Variants in CDH12 observed in about 807,000 individuals in gnomAD.
CDH12 encodes cadherin-12.
In CDH12, 41 loss-of-function variants were observed where a neutral mutation model predicts 74.1. The ratio of observed to expected loss-of-function variants is 0.55; its 90% CI spans 0.43 to 0.72. CDH12 has a LOEUF of 0.72. Ranked by LOEUF, CDH12 falls within the 30% of genes least tolerant of loss-of-function variation. CDH12 has a pLI of 0.00. For synonymous variants in CDH12, 399 were observed against 355.0 expected, an observed-to-expected ratio of 1.12 and a Z score of -1.39; for missense variants, 945 against 977.2, an observed-to-expected ratio of 0.97 and a Z score of 0.44.
intron 1 of CDH12, among the ~76,000 whole-genome samples, chr5:22,817,842 A>G (rs1166259872): frequency 1.3e-5 from 2 of 152,178 alleles, no homozygotes; most frequent in Non-Finnish European, 2.9e-5. Flanking sequence ...TTTCTTTCAA[A>G]GAAGAATTGT....
chr5:22,768,612 G>A (rs1746642898), intron 1 of CDH12, among the ~76,000 whole-genome samples: 1 of 151,900 alleles, frequency 6.6e-6, no homozygotes, highest in Admixed American at 6.6e-5. Flanking sequence ...ACAAAGAGAA[G>A]ATATATATTC....
chr5:22,322,329 A>T lies in CDH12; in HGVS notation c.-333+82928T>A, dbSNP rs1337243965. The stretch of plus-strand genomic sequence containing the variant: ...CAGCAGAAAAGTCATCCCTTTAAGA[A>T]AATCTGAAGGTTTCATAAATATATT... On this transcript the variant is annotated intron_variant, in intron 3 of 14. Coordinates refer to ENST00000382254, the MANE Select transcript of CDH12 (RefSeq NM_004061.5). 2.0e-5 allele frequency among the ~76,000 whole-genome samples: 3 copies of T among 151,450 alleles called. No homozygotes were observed. In the Admixed American group the frequency reaches 2.0e-4, roughly 10 times the overall value.
intron 1 of CDH12, among the ~76,000 whole-genome samples, chr5:22,576,734 A>G (rs756539254): frequency 2.6e-5 from 4 of 152,080 alleles, no homozygotes; most frequent in Non-Finnish European, 5.9e-5. Context: ...GTCTTAGGGA[A>G]ACAGAAAGTA....
At chr5:21,958,295 T>G (rs1210872155) in intron 6 of CDH12, among the ~76,000 whole-genome samples, 9 of 152,162 alleles carry the variant, frequency 5.9e-5, no homozygotes, top group Admixed American at 5.9e-4. Context: ...GAAAATGGAC[T>G]AATGAAGTTC....
intron 6 of CDH12, among the ~76,000 whole-genome samples, chr5:21,971,401 T>C (rs1389193158): frequency 6.6e-6 from 1 of 151,974 alleles, no homozygotes; most frequent in Non-Finnish European, 1.5e-5. Flanking sequence ...AATTGTTAAG[T>C]AAAATAAGAA....
chr5:22,384,419 G>C (rs1481435264), intron 3 of CDH12, among the ~76,000 whole-genome samples: 1 of 149,544 alleles, frequency 6.7e-6, no homozygotes, highest in Non-Finnish European at 1.5e-5. Context: ...CCAGCTACTC[G>C]GGAGGCTGAG....
At chr5:21,960,893 A>G (rs190035847) in intron 6 of CDH12, among the ~76,000 whole-genome samples, 1 of 152,248 alleles carries the variant, frequency 6.6e-6, no homozygotes, top group East Asian at 1.9e-4. Flanking sequence ...CGCAAAAACC[A>G]TTGTTTCACC....
chr5:22,031,551 C>T (rs149944915), intron 5 of CDH12, among the ~76,000 whole-genome samples: 8 of 152,242 alleles, frequency 5.3e-5, no homozygotes, highest in African/African-American at 1.7e-4. Context: ...TACCTTTCAG[C>T]CTATCTCGCC....
chr5:22,238,007 C>T (rs766769858), intron 3 of CDH12, among the ~76,000 whole-genome samples: 1 of 152,128 alleles, frequency 6.6e-6, no homozygotes, highest in African/African-American at 2.4e-5. Context: ...CTCACTGGCA[C>T]GTTTTGTATA....
At chr5:22,402,006 C>G (rs142793160) in intron 3 of CDH12, among the ~76,000 whole-genome samples, 1,848 of 152,290 alleles carry the variant, frequency 0.012, 14 homozygotes, top group Middle Eastern at 0.078. Context: ...TTCATTTTGG[C>G]CTTCTGGCCT....
intron 6 of CDH12, among the ~76,000 whole-genome samples, chr5:21,968,309 T>C (rs766790966): frequency 1.3e-5 from 2 of 152,184 alleles, no homozygotes; most frequent in Admixed American, 1.3e-4. Context: ...AACCCTCTCA[T>C]AAAGTGTTAC....
At position 22,028,817 on chromosome 5, in the gene CDH12, C is replaced by T. The variant is rs147051673; in HGVS notation, c.231+49629G>A. On this transcript the variant is annotated intron_variant, in intron 5 of 14. Transcript: ENST00000382254. Reference sequence around the variant, plus strand: ...CCGCATCATCAAGACAAACCTAAGCCAAAAGAACAAAGCTGGAGGCATCAC... The same window carrying T: ...CCGCATCATCAAGACAAACCTAAGCTAAAAGAACAAAGCTGGAGGCATCAC... 5.9e-3 allele frequency among the ~76,000 whole-genome samples: 896 copies of T among 152,194 alleles called. 2 individuals carry two copies. The highest frequency in any genetic ancestry group is 0.014 in the Middle Eastern group (4 of 294).
chr5:22,360,029 G>T (rs562335294), intron 3 of CDH12, among the ~76,000 whole-genome samples: 3,342 of 152,170 alleles, frequency 0.022, 64 homozygotes, highest in African/African-American at 0.051. Context: ...AACTAGAGAA[G>T]CAAGAGCAAA....
chr5:22,440,329 T>C (rs558163142), intron 2 of CDH12, among the ~76,000 whole-genome samples: 31 of 152,256 alleles, frequency 2.0e-4, no homozygotes, highest in East Asian at 9.7e-4. Flanking sequence ...AAATGGTATA[T>C]GTTTAATCCA....
chr5:22,194,164 C>G (rs543106513), intron 4 of CDH12, among the ~76,000 whole-genome samples: 2 of 152,190 alleles, frequency 1.3e-5, no homozygotes, highest in African/African-American at 4.8e-5. Flanking sequence ...AAGCTGGCCC[C>G]TAGCCAATGG....
intron 11 of CDH12, among the ~76,000 whole-genome samples, chr5:21,777,297 T>C (rs998913612): frequency 6.6e-6 from 1 of 152,062 alleles, no homozygotes; most frequent in Non-Finnish European, 1.5e-5. Flanking sequence ...ATGTACATAA[T>C]ATCACACACA....
intron 2 of CDH12, among the ~76,000 whole-genome samples, chr5:22,457,947 C>T (rs1424476146): frequency 6.6e-6 from 1 of 151,860 alleles, no homozygotes; most frequent in Non-Finnish European, 1.5e-5. Context: ...GTTTCACCAC[C>T]TTGGCCAGGC....
At chr5:22,479,434 G>A (rs1037954759) in intron 2 of CDH12, among the ~76,000 whole-genome samples, 16 of 152,200 alleles carry the variant, frequency 1.1e-4, no homozygotes, top group Non-Finnish European at 2.1e-4. Context: ...ACAGAAGTTA[G>A]ACAAGTTTTG....
intron 2 of CDH12, among the ~76,000 whole-genome samples, chr5:22,489,817 A>C (rs1014427387): frequency 5.0e-4 from 75 of 149,950 alleles, no homozygotes; most frequent in African/African-American, 1.8e-3. Context: ...CCTCTGGATT[A>C]GCTGGAACTA....
Sources: gnomAD v4.1 joint callset for allele counts (sites outside exome capture counted in the v4.1 genomes callset) on GRCh38, gnomAD v4.1.1 for gene constraint, MANE v1.5 for transcripts, NCBI Gene and HGNC (gene_info 2026-07-23, HGNC 2026-07-21) for gene names.